Variants in KGD4 observed in about 807,000 individuals in gnomAD.
The protein encoded by KGD4 is alpha-ketoglutarate dehydrogenase subunit 4.
At chr5:69,219,097 T>C in the KGD4 span, among the ~76,000 whole-genome samples, 1 of 152,184 alleles carries the variant, frequency 6.6e-6, no homozygotes, top group Non-Finnish European at 1.5e-5. Flanking sequence ...ATTAAAACCA[T>C]GAGGTCCTAC....
At chr5:69,227,494 T>A in the KGD4 span, among the ~76,000 whole-genome samples, 22 of 152,260 alleles carry the variant, frequency 1.4e-4, no homozygotes, top group East Asian at 3.9e-3. Flanking sequence ...CGCCCTTTTT[T>A]AAAAAAACCA....
the KGD4 span, among the ~76,000 whole-genome samples, chr5:69,227,124 G>A: frequency 1.3e-5 from 2 of 152,088 alleles, no homozygotes; most frequent in African/African-American, 4.8e-5. Flanking sequence ...GCCTGCCTCC[G>A]CCTCCCAAAG....
chr5:69,220,434 T>C, the KGD4 span, among the ~76,000 whole-genome samples: 1 of 151,808 alleles, frequency 6.6e-6, no homozygotes, highest in East Asian at 1.9e-4. Context: ...GGTGGGAAGA[T>C]TGCTTGAGCC....
At chr5:69,229,289 T>C in the KGD4 span, 2 of 1,411,470 alleles carry the variant, frequency 1.4e-6, no homozygotes, top group Non-Finnish European at 2.0e-6. Context: ...ACTTCCAAAA[T>C]GACAGATGAG....
chr5:69,218,514 C>T, the KGD4 span, among the ~76,000 whole-genome samples: 1 of 140,552 alleles, frequency 7.1e-6, no homozygotes, highest in Admixed American at 7.0e-5. Context: ...GCGTTGGTTT[C>T]ACAAGCCTAT....
the KGD4 span, among the ~76,000 whole-genome samples, chr5:69,224,887 A>C: frequency 6.6e-6 from 1 of 152,048 alleles, no homozygotes; most frequent in African/African-American, 2.4e-5. Flanking sequence ...ACCTTGGCTA[A>C]CACGGTGAAA....
chr5:69,218,801 A>G, the KGD4 span, among the ~76,000 whole-genome samples: 1 of 152,114 alleles, frequency 6.6e-6, no homozygotes, highest in Non-Finnish European at 1.5e-5. Context: ...TAAATTCCTG[A>G]AATTGTTGTC....
chr5:69,218,959 A>G, the KGD4 span, among the ~76,000 whole-genome samples: 1 of 152,224 alleles, frequency 6.6e-6, no homozygotes, highest in Non-Finnish European at 1.5e-5. Context: ...ATATATAACC[A>G]TATGTATCAA....
At chr5:69,226,454 TA>T in the KGD4 span, 1 of 1,210,174 alleles carries the variant, frequency 8.3e-7, no homozygotes, top group Non-Finnish European at 1.2e-6. Flanking sequence ...TGAATATTTA[TA>T]AATGAGTATT....
the KGD4 span, chr5:69,229,363 G>A: frequency 3.0e-6 from 2 of 658,034 alleles, no homozygotes; most frequent in Non-Finnish European, 4.9e-6. Context: ...AAATTTAGAT[G>A]GACACTTGTA....
chr5:69,217,769 C>G, the KGD4 span: 22 of 1,610,816 alleles, frequency 1.4e-5, no homozygotes, highest in Admixed American at 1.0e-4. Context: ...CACAGCTGCC[C>G]GGGACTCCAG....
At chr5:69,229,993 T>C in the KGD4 span, 1 of 151,786 alleles carries the variant, frequency 6.6e-6, no homozygotes, top group African/African-American at 2.4e-5. Flanking sequence ...CAAATCCTGA[T>C]AACCATTAAC....
chr5:69,226,355 T>G, the KGD4 span: 6 of 1,607,452 alleles, frequency 3.7e-6, no homozygotes, highest in East Asian at 4.5e-5. Flanking sequence ...AACCACACAC[T>G]CCATTAATAA....
the KGD4 span, among the ~76,000 whole-genome samples, chr5:69,227,297 T>C: frequency 6.6e-6 from 1 of 152,226 alleles, no homozygotes; most frequent in African/African-American, 2.4e-5. Context: ...CTCCCATGCT[T>C]ACATTTGCAG....
the KGD4 span, among the ~76,000 whole-genome samples, chr5:69,220,105 C>T: frequency 6.6e-6 from 1 of 151,594 alleles, no homozygotes; most frequent in Non-Finnish European, 1.5e-5. Context: ...GTGATGTGCA[C>T]CTGTGGTCCC....
chr5:69,226,320 A>T, the KGD4 span: 1 of 1,559,610 alleles, frequency 6.4e-7, no homozygotes, highest in Non-Finnish European at 8.8e-7. Context: ...TTTTTCATGC[A>T]TATTACTTTT....
At chr5:69,229,192 AT>A in the KGD4 span, 2 of 1,608,626 alleles carry the variant, frequency 1.2e-6, no homozygotes, top group Middle Eastern at 1.7e-4. Flanking sequence ...TTACTGCTTT[AT>A]TTTTTCCTTT....
the KGD4 span, among the ~76,000 whole-genome samples, chr5:69,224,973 C>G: frequency 2.0e-5 from 3 of 150,600 alleles, no homozygotes; most frequent in African/African-American, 7.3e-5. Flanking sequence ...ACTCGGGAGG[C>G]TGGGGCAGGA....
At chr5:69,230,021 C>G in the KGD4 span, 1 of 151,676 alleles carries the variant, frequency 6.6e-6, no homozygotes, top group South Asian at 2.1e-4. Flanking sequence ...AACTTAATGT[C>G]TGAGAGCCTC....
Sources: allele counts gnomAD v4.1 joint callset (sites outside exome capture counted in the v4.1 genomes callset), GRCh38; gene constraint gnomAD v4.1.1; transcripts MANE v1.5; gene names NCBI Gene and HGNC (gene_info 2026-07-23, HGNC 2026-07-21).